Variants in TNS3 observed in about 807,000 individuals in gnomAD.
TNS3 encodes tensin-3.
TNS3 carries 45 observed loss-of-function variants against 140.9 expected under a neutral mutation model. The ratio of observed to expected loss-of-function variants is 0.32; its 90% CI spans 0.25 to 0.41. The LOEUF (loss-of-function observed/expected upper bound fraction) is 0.41. Ranked by LOEUF, TNS3 falls within the 10% of genes least tolerant of loss-of-function variation. TNS3 has a pLI of 1.00. For synonymous variants in TNS3, 815 were observed against 788.4 expected (o/e 1.03, Z -0.56); for missense variants, 1,716 against 1,906.7 (o/e 0.90, Z 1.86).
At chr7:47,534,741 T>C (rs138729206) in intron 1 of TNS3, among the ~76,000 whole-genome samples, 33 of 152,364 alleles carry the variant, frequency 2.2e-4, no homozygotes, top group Non-Finnish European at 3.7e-4. Flanking sequence ...GATTGCATCC[T>C]TTCTGATAAC....
chr7:47,513,276 C>A (rs1188243776), intron 2 of TNS3, among the ~76,000 whole-genome samples: 2 of 152,134 alleles, frequency 1.3e-5, no homozygotes, highest in Non-Finnish European at 2.9e-5. Flanking sequence ...CTGAAGCAAT[C>A]CTCCTGCCTC....
In TNS3 at chr7:47,562,401, T is replaced by C. The variant is rs990733933; in HGVS notation, c.-265+19650A>G. On this transcript the variant is annotated intron_variant, in intron 1 of 30. Transcript: ENST00000311160. ...ATCTGCTGCCTTTTTTTTTTTTTTT[T>C]CCCATATGGAGTTTCACTCTTGTTG... 7.8e-4 allele frequency among the ~76,000 whole-genome samples: 88 copies of C among 112,492 alleles called. 1 individual carries two copies. Among genetic ancestry groups the C allele is most frequent in the Admixed American group, 3.1e-3 (33 of 10,630 alleles). 73.8% of individuals were successfully genotyped at this position (112,492 alleles called of 152,430 possible).
In TNS3 at chr7:47,389,002, GGAAGAAGAAGAAGAAGAAGAA is replaced by G. The variant is rs1175410885; in HGVS notation, c.1024+7777_1024+7797del. Among the ~76,000 whole-genome samples the G allele has an allele frequency of 2.7e-3, 18 of 6,620 alleles. 2 individuals are homozygous for G. Among genetic ancestry groups the G allele is most frequent in the African/African-American group, 3.7e-3 (18 of 4,930 alleles). 4.3% of individuals were successfully genotyped at this position (6,620 alleles called of 152,430 possible). A position where few individuals can be genotyped will look rare whatever the true frequency, so the allele number is the denominator to read the frequency against. On this transcript the variant is annotated intron_variant, in intron 16 of 30. Coordinates refer to ENST00000311160, the MANE Select transcript of TNS3 (RefSeq NM_022748.12). ...AGCAGCAGAGGAAGAAGAAGAAGAA[GGAAGAAGAAGAAGAAGAAGAA>G]GAAGAAGAAGAAGAAGAAGAAGAAG...
At chr7:47,377,874 C>T (rs1198996747) in intron 16 of TNS3, among the ~76,000 whole-genome samples, 1 of 150,786 alleles carries the variant, frequency 6.6e-6, no homozygotes. Context: ...CTTGGGATAA[C>T]GATCATAGTC....
chr7:47,564,648 AAC>A lies in TNS3; in HGVS notation c.-265+17401_-265+17402del, dbSNP rs1335915530. On this transcript the variant is annotated intron_variant, in intron 1 of 30. Coordinates refer to ENST00000311160, the MANE Select transcript of TNS3 (RefSeq NM_022748.12). ...AAGACTCCGTCTCAAAAAAAAAAAA[AAC>A]AAAAAAAAACAAAAAAAGACTGCAA... is the stretch of plus-strand genomic sequence containing the variant. 1.6e-3 allele frequency among the ~76,000 whole-genome samples: 28 copies of A among 17,526 alleles called. 1 individual carries two copies. Among genetic ancestry groups the A allele is most frequent in the Non-Finnish European group, 3.3e-3 (15 of 4,544 alleles). The allele number at this position is 17,526 out of a possible 152,430, so 11.5% of individuals were successfully genotyped here.
At chr7:47,328,176 G>T (rs942953151) in intron 20 of TNS3, among the ~76,000 whole-genome samples, 1 of 152,100 alleles carries the variant, frequency 6.6e-6, no homozygotes, top group Non-Finnish European at 1.5e-5. Flanking sequence ...TCGTGCAGGG[G>T]GCGGGGCGGC....
intron 7 of TNS3, among the ~76,000 whole-genome samples, chr7:47,436,182 AATGTTTTC>A (rs1261379612): frequency 2.0e-5 from 3 of 152,230 alleles, no homozygotes; most frequent in African/African-American, 7.2e-5. Context: ...TAACCACTGC[AATGTTTTC>A]ATGAATCCCT....
chr7:47,410,103 T>C (rs767588269), intron 13 of TNS3, among the ~76,000 whole-genome samples: 17 of 152,098 alleles, frequency 1.1e-4, no homozygotes, highest in Non-Finnish European at 2.2e-4. Flanking sequence ...GCCTCCAGGG[T>C]GAAGCCTCCT....
chr7:47,444,437 G>C (rs1309792769), intron 4 of TNS3, among the ~76,000 whole-genome samples: 1 of 152,204 alleles, frequency 6.6e-6, no homozygotes, highest in African/African-American at 2.4e-5. Flanking sequence ...TAACTCATGG[G>C]GCAAAACTAT....
chr7:47,508,255 C>T (rs1798489438), intron 2 of TNS3, among the ~76,000 whole-genome samples: 1 of 152,196 alleles, frequency 6.6e-6, no homozygotes, highest in Non-Finnish European at 1.5e-5. Flanking sequence ...GTAGTTACAG[C>T]TAGGTTGTTA....
chr7:47,443,824 G>A (rs1012241621), intron 4 of TNS3, among the ~76,000 whole-genome samples: 2 of 152,152 alleles, frequency 1.3e-5, no homozygotes, highest in African/African-American at 4.8e-5. Context: ...GGGAGGCTGA[G>A]GCACAAGAAT....
intron 20 of TNS3, among the ~76,000 whole-genome samples, chr7:47,310,741 A>G (rs1014064105): frequency 2.6e-5 from 4 of 152,218 alleles, no homozygotes; most frequent in Non-Finnish European, 4.4e-5. Flanking sequence ...TCCATTAAGA[A>G]TAATCAAATG....
intron 16 of TNS3, among the ~76,000 whole-genome samples, chr7:47,377,865 T>C (rs143140138): frequency 9.6e-5 from 14 of 146,324 alleles, no homozygotes; most frequent in African/African-American, 2.7e-4. Flanking sequence ...CCCTCTCTCC[T>C]TGGGATAACG....
rs1340201271 is a variant in TNS3 at position 47,389,154 on chromosome 7, A to AAGAAGCAGC, written c.1024+7645_1024+7646insGCTGCTTCT. 2.2e-3 allele frequency among the ~76,000 whole-genome samples: 177 copies of AAGAAGCAGC among 82,304 alleles called. 56 individuals are homozygous for AAGAAGCAGC. The highest frequency in any genetic ancestry group is 6.8e-3 in the African/African-American group (161 of 23,756). 54.0% of individuals were successfully genotyped at this position (82,304 alleles called of 152,430 possible). A position where few individuals can be genotyped will look rare whatever the true frequency, so the allele number is the denominator to read the frequency against. The stretch of plus-strand genomic sequence containing the variant: ...GAAGAAGAAGAAGAAGAAGAAGAAG[A>AAGAAGCAGC]AGCAGAAGAAGCAGCAGAAGCAGAA... On this transcript the variant is annotated intron_variant, in intron 16 of 30. Coordinates refer to ENST00000311160, the MANE Select transcript of TNS3 (RefSeq NM_022748.12).
chr7:47,539,360 A>G (rs1198447711), intron 1 of TNS3: 6 of 342,166 alleles, frequency 1.8e-5, no homozygotes, highest in Non-Finnish European at 3.5e-5. Context: ...AGTAACAAAT[A>G]TCGTGCGTGT....
At chr7:47,286,379 G>A (rs573851793) in intron 27 of TNS3, among the ~76,000 whole-genome samples, 7 of 152,234 alleles carry the variant, frequency 4.6e-5, no homozygotes, top group South Asian at 4.2e-4. Context: ...GCTGTTCTAC[G>A]GAGCACACAT....
intron 2 of TNS3, among the ~76,000 whole-genome samples, chr7:47,510,676 C>G (rs1319602808): frequency 6.6e-6 from 1 of 151,982 alleles, no homozygotes. Flanking sequence ...GAGTTTGAGA[C>G]TAGCCTGGCC....
intron 17 of TNS3, among the ~76,000 whole-genome samples, chr7:47,359,047 G>A (rs546149840): frequency 6.6e-6 from 1 of 152,180 alleles, no homozygotes; most frequent in South Asian, 2.1e-4. Context: ...CCTGGGTAAC[G>A]CCCCAAACAA....
intron 13 of TNS3, among the ~76,000 whole-genome samples, chr7:47,402,846 A>G (rs1793235050): frequency 6.6e-6 from 1 of 152,204 alleles, no homozygotes; most frequent in Admixed American, 6.5e-5. Context: ...CTCAAATTTT[A>G]TAAATATTTA....
Sources: gnomAD v4.1 joint callset for allele counts (sites outside exome capture counted in the v4.1 genomes callset) on GRCh38, gnomAD v4.1.1 for gene constraint, MANE v1.5 for transcripts, NCBI Gene and HGNC (gene_info 2026-07-23, HGNC 2026-07-21) for gene names.